DPYD: variants seen among roughly 807,000 people sequenced by gnomAD.
DPYD encodes dihydropyrimidine dehydrogenase [NADP(+)].
DPYD carries 109 observed loss-of-function variants against 116.2 expected under a neutral mutation model. That is an observed-to-expected ratio of 0.94 (90% confidence interval 0.80 to 1.10). The LOEUF is 1.10. Ranked by LOEUF, DPYD falls within the 50% of genes least tolerant of loss-of-function variation. The pLI, the probability that DPYD is intolerant of heterozygous loss-of-function variation, is 0.00. For synonymous variants in DPYD, 440 were observed against 432.0 expected, an observed-to-expected ratio of 1.02 and a Z score of -0.23; for missense variants, 1,302 against 1,254.5, an observed-to-expected ratio of 1.04 and a Z score of -0.57.
chr1:97,854,182 T>C (rs1434014150), intron 2 of DPYD, among the ~76,000 whole-genome samples: 1 of 152,180 alleles, frequency 6.6e-6, no homozygotes, highest in Non-Finnish European at 1.5e-5. Context: ...CAAATAAATT[T>C]TGGAGCAAAG....
intron 16 of DPYD, among the ~76,000 whole-genome samples, chr1:97,331,725 T>C (rs1428822746): frequency 6.6e-6 from 1 of 152,224 alleles, no homozygotes; most frequent in Non-Finnish European, 1.5e-5. Context: ...CTACAAATTA[T>C]ATGATGATGC....
intron 14 of DPYD, among the ~76,000 whole-genome samples, chr1:97,387,686 T>C (rs1250914016): frequency 1.3e-5 from 2 of 151,910 alleles, no homozygotes; most frequent in South Asian, 2.1e-4. Context: ...TTAAATAAAA[T>C]GTGGAAGTGA....
chr1:97,545,833 C>G, intron 12 of DPYD: 1 of 1,178,890 alleles, frequency 8.5e-7, no homozygotes, highest in East Asian at 2.3e-5. Flanking sequence ...GTCTCCCCTT[C>G]TGCAGCTCCC....
At chr1:97,360,969 G>A (rs984835409) in intron 16 of DPYD, among the ~76,000 whole-genome samples, 5 of 152,080 alleles carry the variant, frequency 3.3e-5, no homozygotes, top group African/African-American at 9.7e-5. Context: ...CAGAACTGAA[G>A]GAGATAGAGA....
intron 20 of DPYD, among the ~76,000 whole-genome samples, chr1:97,122,643 C>T (rs749212884): frequency 2.0e-5 from 3 of 152,004 alleles, no homozygotes; most frequent in Non-Finnish European, 2.9e-5. Context: ...CATATATGTA[C>T]GCAGATAATT....
chr1:97,412,388 G>A (rs1397678521), intron 14 of DPYD, among the ~76,000 whole-genome samples: 1 of 152,114 alleles, frequency 6.6e-6, no homozygotes, highest in Non-Finnish European at 1.5e-5. Flanking sequence ...ACTACAATAA[G>A]GGGTTTGTTT....
chr1:97,831,174 CTAAG>C (rs1256367488), intron 2 of DPYD, among the ~76,000 whole-genome samples: 1 of 152,180 alleles, frequency 6.6e-6, no homozygotes, highest in Non-Finnish European at 1.5e-5. Context: ...TGTAGAAGCA[CTAAG>C]TAACAGACAC....
intron 21 of DPYD, among the ~76,000 whole-genome samples, chr1:97,098,048 G>A (rs1242817155): frequency 1.3e-5 from 2 of 152,070 alleles, no homozygotes; most frequent in Non-Finnish European, 2.9e-5. Flanking sequence ...AAATGTCCAG[G>A]CTTTCCAGAG....
In DPYD at chr1:97,098,481, AT is replaced by A; in HGVS notation, c.2766+7del. The A allele has an allele frequency of 1.9e-6, 3 of 1,612,276 alleles. No individual in the cohort carries two copies. Among genetic ancestry groups the A allele is most frequent in the Non-Finnish European group, 2.5e-6 (3 of 1,178,940 alleles). The stretch of plus-strand genomic sequence containing the variant: ...TAGGCATACTTATATAGTTGGCATA[AT>A]TTTTACCTTGATGGTAGGAATAGGC... On this transcript the variant is annotated splice_region_variant and intron_variant, in intron 21 of 22. Transcript: ENST00000370192.
chr1:97,358,187 C>G (rs1440780337), intron 16 of DPYD, among the ~76,000 whole-genome samples: 1 of 152,228 alleles, frequency 6.6e-6, no homozygotes, highest in Non-Finnish European at 1.5e-5. Flanking sequence ...GCCCAAGGAG[C>G]CTTGCTTATG....
chr1:97,196,463 TAC>T (rs752305097), intron 19 of DPYD, among the ~76,000 whole-genome samples: 4 of 152,076 alleles, frequency 2.6e-5, no homozygotes, highest in African/African-American at 4.8e-5. Context: ...TTTAAGGAGA[TAC>T]AGTTATTTTA....
intron 19 of DPYD, among the ~76,000 whole-genome samples, chr1:97,203,673 CCA>C (rs1491526493): frequency 0.11 from 5,400 of 50,154 alleles, 592 homozygotes; most frequent in Middle Eastern, 0.22. Context: ...CCCCCCCCCC[CCA>C]AAAAAAAAAA....
chr1:97,552,675 T>C (rs150337466), intron 11 of DPYD, among the ~76,000 whole-genome samples: 177 of 152,202 alleles, frequency 1.2e-3, no homozygotes, highest in African/African-American at 4.2e-3. Context: ...TCAACTGTTT[T>C]AATTATTTTA....
intron 2 of DPYD, among the ~76,000 whole-genome samples, chr1:97,837,379 C>T (rs957771749): frequency 3.9e-5 from 6 of 151,912 alleles, no homozygotes; most frequent in African/African-American, 1.5e-4. Context: ...TGCTATTTTC[C>T]CCAACAATTT....
At chr1:97,289,216 G>C (rs1021418554) in intron 18 of DPYD, among the ~76,000 whole-genome samples, 2 of 151,904 alleles carry the variant, frequency 1.3e-5, no homozygotes, top group African/African-American at 4.8e-5. Flanking sequence ...ACCAAAAAGA[G>C]TCCAGGACCA....
chr1:97,229,173 C>A (rs557832240), intron 19 of DPYD, among the ~76,000 whole-genome samples: 10 of 133,408 alleles, frequency 7.5e-5, no homozygotes, highest in Admixed American at 2.6e-4. Flanking sequence ...CACTGCACTC[C>A]AGCCTGGGCA....
chr1:97,631,450 C>T (rs988507018), intron 8 of DPYD, among the ~76,000 whole-genome samples: 3 of 151,956 alleles, frequency 2.0e-5, no homozygotes, highest in African/African-American at 7.2e-5. Context: ...AGTAGGCAAC[C>T]AAAGTGGTCA....
chr1:97,129,412 T>G (rs1186906687), intron 20 of DPYD, among the ~76,000 whole-genome samples: 1 of 152,102 alleles, frequency 6.6e-6, no homozygotes, highest in Non-Finnish European at 1.5e-5. Context: ...AGATTCAAAT[T>G]TTCAGTTGCC....
Position 97,506,427 on chromosome 1 carries a change from AG to A in DPYD, c.1740+9298del, listed in dbSNP as rs200581687. Among the ~76,000 whole-genome samples the A allele has an allele frequency of 7.4e-3, 1,128 of 152,090 alleles. 11 individuals are homozygous for A. The highest frequency in any genetic ancestry group is 0.026 in the African/African-American group (1,069 of 41,532). On this transcript the variant is annotated intron_variant, in intron 13 of 22. Coordinates refer to ENST00000370192, the MANE Select transcript of DPYD (RefSeq NM_000110.4). ...TTAAAATTCACAGAAGAATTATGTG[AG>A]ACAGAATAAGGGTAAAATCAGTTTC...
Sources: gnomAD v4.1 joint callset for allele counts (sites outside exome capture counted in the v4.1 genomes callset) on GRCh38, gnomAD v4.1.1 for gene constraint, MANE v1.5 for transcripts, NCBI Gene and HGNC (gene_info 2026-07-23, HGNC 2026-07-21) for gene names.